Variants in HNRNPL observed in about 807,000 individuals in gnomAD.
HNRNPL encodes the protein epididymis secretory sperm binding protein.
HNRNPL carries 12 observed loss-of-function variants against 64.0 expected under a neutral mutation model. The ratio of observed to expected loss-of-function variants is 0.19; its 90% CI spans 0.12 to 0.30. The LOEUF (loss-of-function observed/expected upper bound fraction) is 0.30, where lower values mean the gene tolerates loss of function less well. HNRNPL is among the 10% of genes least tolerant of loss of function. The pLI is 1.00. For synonymous variants in HNRNPL, 385 were observed against 313.0 expected (o/e 1.23, Z -2.43); for missense variants, 484 against 797.4 (o/e 0.61, Z 4.73).
chr19:38,843,802 A>G, intron 6 of HNRNPL, 40 bp downstream of exon 6: 1 of 1,541,376 alleles, frequency 6.5e-7, no homozygotes, highest in Non-Finnish European at 9.0e-7. Flanking sequence ...GAGTGAAAGC[A>G]AGGCGGGTAT....
At chr19:38,840,943 G>T in intron 6 of HNRNPL, 1 of 233,924 alleles carries the variant, frequency 4.3e-6, no homozygotes, top group Non-Finnish European at 8.3e-6. Flanking sequence ...TCCCAATGAA[G>T]GGAGAGTAGA....
At chr19:38,840,447 T>C in intron 7 of HNRNPL, 41 bp downstream of exon 7, 1 of 1,564,820 alleles carries the variant, frequency 6.4e-7, no homozygotes, top group Non-Finnish European at 8.7e-7. Context: ...CAGGGGCACA[T>C]GAGCCACGGG....
chr19:38,841,790 GCT>G, intron 6 of HNRNPL: 1 of 470,190 alleles, frequency 2.1e-6, no homozygotes, highest in South Asian at 1.6e-5. Flanking sequence ...ATCAAAAATG[GCT>G]CACAGATGTT....
chr19:38,848,658 C>T (rs1324523181), intron 1 of HNRNPL, among the ~76,000 whole-genome samples: 1 of 152,204 alleles, frequency 6.6e-6, no homozygotes, highest in Non-Finnish European at 1.5e-5. Context: ...GCCAGGTTAG[C>T]AGCTCCCACA....
rs187558275 is a variant in HNRNPL, at chr19:38,837,066, T to G, written c.1712-286A>C. 2.2e-3 allele frequency: 1,212 copies of G among 548,262 alleles called. 13 individuals are homozygous for G. The highest frequency in any genetic ancestry group is 0.021 in the African/African-American group (1,101 of 53,164). 34.0% of individuals were successfully genotyped at this position (548,262 alleles called of 1,614,324 possible). Reference sequence around the variant, plus strand: ...TGGGCAAGTTTTACCTGCTGGATAGTGTTGCCTCTTTCCTAGGTAACAGAG... The same window carrying G: ...TGGGCAAGTTTTACCTGCTGGATAGGGTTGCCTCTTTCCTAGGTAACAGAG... On this transcript the variant is annotated intron_variant, in intron 12 of 12. Transcript: ENST00000221419.
At chr19:38,850,237 A>C, upstream of HNRNPL, 2 of 382,530 alleles carry the variant, frequency 5.2e-6, no homozygotes, top group Non-Finnish European at 9.3e-6. Flanking sequence ...GATAGGTCGG[A>C]TTTCTGGCGC....
At chr19:38,845,254 A>G (rs1158728152) in intron 4 of HNRNPL, 3 of 170,092 alleles carry the variant, frequency 1.8e-5, no homozygotes, top group African/African-American at 7.2e-5. Context: ...AGGCGCCTAT[A>G]ATCCTACTAG....
intron 4 of HNRNPL, among the ~76,000 whole-genome samples, chr19:38,844,313 G>A (rs1486644344): frequency 6.6e-6 from 1 of 152,120 alleles, no homozygotes; most frequent in East Asian, 1.9e-4. Flanking sequence ...GCAGTCACTG[G>A]CCAGAGTTCT....
chr19:38,843,824 A>G lies in HNRNPL; in HGVS notation c.880+18T>C, dbSNP rs755526210. On this transcript the variant is annotated intron_variant, in intron 6 of 12. Coordinates refer to ENST00000221419, the MANE Select transcript of HNRNPL (RefSeq NM_001533.3). ...AGCAAGGCGGGTATGTTTAGAACAA[A>G]GTGGTCGTCAAGATTACCTTGTCCA... The G allele has an allele frequency of 2.5e-6, 4 of 1,605,574 alleles. No individual in the cohort carries two copies. Among genetic ancestry groups the G allele is most frequent in the Middle Eastern group, 1.7e-4 (1 of 6,046 alleles).
chr19:38,849,397 C>T, intron 1 of HNRNPL: 1 of 341,394 alleles, frequency 2.9e-6, no homozygotes, highest in Non-Finnish European at 5.3e-6. Flanking sequence ...GGGAAAAAAA[C>T]CGGCCGGGCC....
chr19:38,838,371 T>G, intron 10 of HNRNPL, 26 bp downstream of exon 10: 1 of 1,590,958 alleles, frequency 6.3e-7, no homozygotes. Flanking sequence ...AGGACCCGAC[T>G]GCCTGCGCAG....
chr19:38,845,633 T>C lies in HNRNPL; in HGVS notation c.710+17A>G, dbSNP rs1972268748. On this transcript the variant is annotated intron_variant, in intron 4 of 12. Coordinates refer to ENST00000221419, the MANE Select transcript of HNRNPL (RefSeq NM_001533.3). ...AGTCCCTACCCTAAGGAACACCTGT[T>C]TTCCAGCAAAGGATATTCCACCATC... 10 of 1,602,800 alleles carry C rather than the reference T, an allele frequency of 6.2e-6. No individual in the cohort carries two copies. In the East Asian group the frequency reaches 2.2e-4, roughly 36 times the overall value.
Position 38,849,898 on chromosome 19 carries a change from G to A in HNRNPL, c.69C>T (p.Asp23=), listed in dbSNP as rs1454529432. The change falls in exon 1 of 13, where the codon GAC becomes GAT. Residue 23 remains aspartate (D), a synonymous_variant. Coordinates refer to ENST00000221419, the MANE Select transcript of HNRNPL (RefSeq NM_001533.3). ...TCGCTCCCGACCGCCTCCGCTGCTCGTCCGGCTGCTGCCTCTGCTCCAGCC... is the reference window on the plus strand; with the variant it reads ...TCGCTCCCGACCGCCTCCGCTGCTCATCCGGCTGCTGCCTCTGCTCCAGCC... The part of the protein sequence containing the change: ...RRRLEQRQQP[D]EQRRRSGAMV... 7.9e-7 allele frequency: 1 copy of A among 1,265,538 alleles called. No homozygotes were observed. The highest frequency in any genetic ancestry group is 1.9e-5 in the Admixed American group (1 of 52,704). The allele number at this position is 1,265,538 out of a possible 1,614,324, so 78.4% of individuals were successfully genotyped here.
At position 38,840,492 on chromosome 19, in the gene HNRNPL, T is replaced by G; in HGVS notation, c.948A>C (p.Glu316Asp). ...AGGGGAACCCCCTGCCCTCACCATA[T>G]TCTGCGGGGTGATCTCCCAGGAGAG... ...QPPLLGDHPA[E>D]YGGPHGGYHS... Residue 316 changes from glutamate (E) to aspartate (D), a missense_variant, in exon 7 of 13, where the codon GAA (glutamate) becomes GAC (aspartate). Around this residue, in one of 9 missense-constraint regions of HNRNPL, gnomAD observed 60 missense variants for 192.2 expected, o/e 0.31. Coordinates refer to ENST00000221419, the MANE Select transcript of HNRNPL (RefSeq NM_001533.3). The G allele has an allele frequency of 3.1e-6, 5 of 1,590,976 alleles. No homozygotes were observed. The highest frequency in any genetic ancestry group is 4.3e-6 in the Non-Finnish European group (5 of 1,169,734).
intron 6 of HNRNPL, 187 bp from the exon 7 acceptor site, chr19:38,840,746 T>G (rs1600054349): frequency 1.6e-6 from 1 of 610,872 alleles, no homozygotes; most frequent in East Asian, 2.9e-5. Flanking sequence ...TCAAAGCTGG[T>G]GCCCACTCTC....
chr19:38,842,281 T>C (rs1208847905), intron 6 of HNRNPL: 2 of 152,812 alleles, frequency 1.3e-5, no homozygotes, highest in Non-Finnish European at 2.9e-5. Flanking sequence ...CCTATTGTCT[T>C]GGAGGCCCAT....
Position 38,839,202 on chromosome 19 carries a change from C to T in HNRNPL, c.1234-187G>A, listed in dbSNP as rs1972028720. The T allele has an allele frequency of 9.3e-6, 6 of 642,130 alleles. No homozygotes were observed. The South Asian group carries it at 1.2e-4, about 12-fold the overall frequency. 39.8% of individuals were successfully genotyped at this position (642,130 alleles called of 1,614,324 possible). The stretch of plus-strand genomic sequence containing the variant: ...CCCATAGTGAGAAGCAGAGCCTGGG[C>T]CATGTTTTTAACTGTGGGACATAAC... On this transcript the variant is annotated intron_variant, in intron 8 of 12. Coordinates refer to ENST00000221419, the MANE Select transcript of HNRNPL (RefSeq NM_001533.3).
intron 4 of HNRNPL, among the ~76,000 whole-genome samples, chr19:38,844,520 T>C (rs571714937): frequency 6.6e-6 from 1 of 152,136 alleles, no homozygotes; most frequent in Non-Finnish European, 1.5e-5. Context: ...CCTAAAAGCT[T>C]CTTCCAATGT....
chr19:38,840,656 C>CTGCAAGCCCTCCCTGCA, intron 6 of HNRNPL, 97 bp from the exon 7 acceptor site: 1 of 965,514 alleles, frequency 1.0e-6, no homozygotes, highest in Non-Finnish European at 1.6e-6. Context: ...CAGCTCCTGC[C>CTGCAAGCCCTCCCTGCA]AACTGCAAGC....
Sources: allele counts gnomAD v4.1 joint callset (sites outside exome capture counted in the v4.1 genomes callset), GRCh38; gene constraint gnomAD v4.1.1; regional missense constraint gnomAD v4.1.1; transcripts MANE v1.5; gene names NCBI Gene and HGNC (gene_info 2026-07-23, HGNC 2026-07-21).